Variants in CTSB observed in about 807,000 individuals in gnomAD.
CTSB encodes the protein APP secretase.
Under a neutral mutation model 44.3 loss-of-function variants are expected in CTSB, and 57 were observed. The observed-to-expected ratio is 1.29, with a 90% CI of 1.04 to 1.60. CTSB has a LOEUF of 1.60. CTSB is among the 40% of genes most tolerant of loss of function. The pLI is 0.00. For missense variants in CTSB, 768 were observed against 443.0 expected (o/e 1.73, Z -6.59); for synonymous variants, 320 against 168.0 (o/e 1.91, Z -7.00).
intron 1 of CTSB, among the ~76,000 whole-genome samples, chr8:11,855,377 C>T (rs981821598): frequency 1.3e-5 from 2 of 152,176 alleles, no homozygotes; most frequent in Admixed American, 6.5e-5. Context: ...GAAAAACAGG[C>T]TGGGTGCGGT....
chr8:11,861,420 T>C (rs1816396466), intron 1 of CTSB: 1 of 152,436 alleles, frequency 6.6e-6, no homozygotes, highest in African/African-American at 2.4e-5. Context: ...CAATCATCTA[T>C]GCAAACCAGG....
intron 1 of CTSB, among the ~76,000 whole-genome samples, chr8:11,859,810 C>T (rs1226661800): frequency 7.2e-6 from 1 of 139,362 alleles, no homozygotes; most frequent in African/African-American, 2.7e-5. Context: ...CACAATGGCT[C>T]ACGCATGTAA....
intron 1 of CTSB, among the ~76,000 whole-genome samples, chr8:11,866,373 C>A (rs942202912): frequency 6.6e-6 from 1 of 152,254 alleles, no homozygotes; most frequent in Non-Finnish European, 1.5e-5. Context: ...AGGGCCGTGT[C>A]TGGCCTGCGT....
intron 1 of CTSB, among the ~76,000 whole-genome samples, chr8:11,855,429 A>G (rs915076156): frequency 7.2e-5 from 11 of 152,178 alleles, no homozygotes; most frequent in African/African-American, 2.7e-4. Context: ...GGCCAAGGCA[A>G]GTGGATCACT....
In CTSB at chr8:11,845,220, A is replaced by C. The variant is rs755809006; in HGVS notation, c.925T>G (p.Phe309Val). 6.2e-6 allele frequency: 10 copies of C among 1,611,644 alleles called. No homozygotes were observed. The highest frequency in any genetic ancestry group is 8.5e-6 in the Non-Finnish European group (10 of 1,177,816). Residue 309 changes from phenylalanine (F) to valine (V), a missense_variant and splice_region_variant, in exon 10 of 10, where the codon TTC (phenylalanine) becomes GTC (valine). By Grantham distance (50) the Phe-to-Val change is conservative. Transcript: ENST00000353047. The stretch of plus-strand genomic sequence containing the variant: ...TCCTGTCCTCTGAGTATTTTAAAGA[A>C]GCCTGGGAATAAAAAGTAAGGTGCT... Reference protein sequence around the residue: ...SWNTDWGDNGFFKILRGQDHC... With the variant: ...SWNTDWGDNGVFKILRGQDHC...
intron 5 of CTSB, chr8:11,848,458 C>T (rs1002967326): frequency 4.6e-5 from 22 of 481,654 alleles, no homozygotes; most frequent in African/African-American, 3.9e-4. Flanking sequence ...TGATTCTCAA[C>T]TGAGCAGACG....
At position 11,844,401 on chromosome 8, in the gene CTSB, A is replaced by G. The variant is rs549577505; in HGVS notation, c.*724T>C. 1 of 152,140 alleles carries G rather than the reference A, an allele frequency of 6.6e-6. No homozygotes were observed. Among genetic ancestry groups the G allele is most frequent in the Non-Finnish European group, 1.5e-5 (1 of 68,040 alleles). 9.4% of individuals were successfully genotyped at this position (152,140 alleles called of 1,614,324 possible). On this transcript the variant is annotated 3_prime_UTR_variant, in exon 10 of 10. Transcript: ENST00000353047. ...AGCTGTAATTTTTCAAAAACAGTAA[A>G]AGCTGGTTTCTCCTAAACTATTTTC...
At chr8:11,866,122 C>CA (rs2150463406) in intron 1 of CTSB, among the ~76,000 whole-genome samples, 2 of 152,260 alleles carry the variant, frequency 1.3e-5, no homozygotes, top group Non-Finnish European at 2.9e-5. Flanking sequence ...ATTCACTTCC[C>CA]AATCCAACCA....
At chr8:11,846,985 A>G in intron 8 of CTSB, 67 bp downstream of exon 8, 1 of 852,488 alleles carries the variant, frequency 1.2e-6, no homozygotes, top group Non-Finnish European at 2.0e-6. Flanking sequence ...GTCAACATGA[A>G]CCATCCTGGC....
chr8:11,852,417 G>C (rs576100057), intron 3 of CTSB, among the ~76,000 whole-genome samples, 193 bp downstream of exon 3: 5 of 152,066 alleles, frequency 3.3e-5, no homozygotes, highest in African/African-American at 1.2e-4. Flanking sequence ...AACTTGAGAA[G>C]GAAAAAATAA....
chr8:11,845,904 C>CCTG (rs1430866055), intron 8 of CTSB, 115 bp from the exon 9 acceptor site: 14 of 1,300,228 alleles, frequency 1.1e-5, no homozygotes, highest in African/African-American at 4.5e-5. Context: ...CCAGAGGGAA[C>CCTG]CTGCTGCTCC....
chr8:11,845,158 A>T lies in CTSB; in HGVS notation c.987T>A (p.Ile329=), dbSNP rs1456660097. ...CGIESEVVAG[I]PRTDQYWEKI ...TTTCCCAGTACTGATCGGTGCGTGG[A>T]ATTCCAGCCACCACTTCTGATTCGA... The change falls in exon 10 of 10, where the codon ATT becomes ATA. Residue 329 remains isoleucine, a synonymous_variant. Coordinates refer to ENST00000353047, the MANE Select transcript of CTSB (RefSeq NM_001908.5). 1 of 1,613,884 alleles carries T rather than the reference A, an allele frequency of 6.2e-7. No individual in the cohort carries two copies. Among genetic ancestry groups the T allele is most frequent in the Non-Finnish European group, 8.5e-7 (1 of 1,179,874 alleles).
chr8:11,849,263 G>A (rs1233722523), intron 4 of CTSB, 99 bp from the exon 5 acceptor site: 6 of 841,766 alleles, frequency 7.1e-6, no homozygotes, highest in African/African-American at 5.0e-5. Context: ...AGACCTTGTA[G>A]GCAACTGATC....
chr8:11,847,447 G>T (rs1322947540), intron 7 of CTSB, among the ~76,000 whole-genome samples: 1 of 152,218 alleles, frequency 6.6e-6, no homozygotes, highest in Non-Finnish European at 1.5e-5. Flanking sequence ...TGTAAAAGGA[G>T]GGCTTTGGTC....
chr8:11,857,972 T>G (rs775426897), intron 1 of CTSB: 1 of 152,286 alleles, frequency 6.6e-6, no homozygotes, highest in African/African-American at 2.4e-5. Flanking sequence ...AGCCCTGCAC[T>G]TGGAGTCAGG....
At chr8:11,848,947 G>C in intron 5 of CTSB, 99 bp downstream of exon 5, 1 of 812,140 alleles carries the variant, frequency 1.2e-6, no homozygotes, top group Non-Finnish European at 2.0e-6. Context: ...CTTCTGACTC[G>C]CAGCAGTCCC....
chr8:11,866,356 C>T (rs1448590935), intron 1 of CTSB, among the ~76,000 whole-genome samples: 3 of 152,252 alleles, frequency 2.0e-5, no homozygotes, highest in Non-Finnish European at 2.9e-5. Context: ...CCCAGGAGAG[C>T]TGTGCCAGGG....
intron 1 of CTSB, among the ~76,000 whole-genome samples, chr8:11,863,505 AT>A (rs1816708932): frequency 6.6e-6 from 1 of 152,174 alleles, no homozygotes; most frequent in African/African-American, 2.4e-5. Context: ...CTGACCAACA[AT>A]AAAAACAGGA....
chr8:11,848,416 C>G (rs560060430), intron 5 of CTSB: 1 of 600,628 alleles, frequency 1.7e-6, no homozygotes, highest in African/African-American at 1.8e-5. Context: ...CCATACCAGA[C>G]CAGGCTACGA....
Sources: allele counts gnomAD v4.1 joint callset (sites outside exome capture counted in the v4.1 genomes callset), GRCh38; gene constraint gnomAD v4.1.1; transcripts MANE v1.5; gene names NCBI Gene and HGNC (gene_info 2026-07-23, HGNC 2026-07-21).